JADE2: variants seen among roughly 807,000 people sequenced by gnomAD.
JADE2 encodes jade family PHD finger 2, also known as E3 ubiquitin-protein ligase Jade-2.
Under a neutral mutation model 85.7 loss-of-function variants are expected in JADE2, and 13 were observed. That is an observed-to-expected ratio of 0.15 (90% CI 0.10 to 0.24). JADE2 has a LOEUF of 0.24. Among genes scored for constraint, JADE2 ranks in the 10% least tolerant of loss-of-function variants. The probability of loss-of-function intolerance (pLI) is 1.00; values close to 1 mark genes in which losing one functional copy is unlikely to be tolerated. For missense variants in JADE2, 846 were observed against 1,115.9 expected, an observed-to-expected ratio of 0.76 and a Z score of 3.45; for synonymous variants, 440 against 456.1, an observed-to-expected ratio of 0.96 and a Z score of 0.45.
rs748707879 is a variant in JADE2, at chr5:134,579,239, C to T, written c.2427C>T (p.Ala809=). 5.0e-6 allele frequency: 8 copies of T among 1,614,056 alleles called. No homozygotes were observed. Among genetic ancestry groups the T allele is most frequent in the Middle Eastern group, 1.7e-4 (1 of 6,060 alleles). ...DGEMSDSDVE[A]EDGGVQRGPR... is the part of the protein sequence containing the mutation. ...AGATGAGCGACTCAGATGTAGAGGC[C>T]GAGGACGGTGGGGTGCAGCGGGGTC... Residue 809 remains alanine, a synonymous_variant, in exon 12 of 12, where the codon GCC becomes GCT. Transcript: ENST00000681547. The surrounding 1 kb of genome is among the most constrained non-coding windows in gnomAD (Gnocchi z 4.6).
intron 9 of JADE2, among the ~76,000 whole-genome samples, chr5:134,569,366 C>T (rs1288198154): frequency 6.6e-6 from 1 of 152,202 alleles, no homozygotes; most frequent in Non-Finnish European, 1.5e-5. Flanking sequence ...GAAACAGGAG[C>T]CGGGGCTGCT....
At chr5:134,573,069 T>C (rs1030515481) in intron 9 of JADE2, among the ~76,000 whole-genome samples, 1 of 152,244 alleles carries the variant, frequency 6.6e-6, no homozygotes, top group Non-Finnish European at 1.5e-5. Flanking sequence ...GTTAGGACTT[T>C]CTGCTCAAAG....
chr5:134,560,641 C>G (rs1027986017), intron 5 of JADE2, 105 bp from the exon 6 acceptor site: 31 of 955,870 alleles, frequency 3.2e-5, no homozygotes, highest in Non-Finnish European at 4.7e-5. Context: ...GAAACCCTCC[C>G]AGACATCTGC....
At chr5:134,546,032 T>G (rs1762277067) in intron 3 of JADE2, among the ~76,000 whole-genome samples, 1 of 152,222 alleles carries the variant, frequency 6.6e-6, no homozygotes, top group Non-Finnish European at 1.5e-5. Flanking sequence ...CCTGCCAGCC[T>G]CCTGCCTCTT....
At chr5:134,538,709 T>C (rs1377733136) in intron 3 of JADE2, among the ~76,000 whole-genome samples, 3 of 152,020 alleles carry the variant, frequency 2.0e-5, no homozygotes, top group African/African-American at 7.2e-5. Context: ...CCCTGAAAAC[T>C]CCCACCCTAG....
chr5:134,539,351 C>T (rs1274011352), intron 3 of JADE2, among the ~76,000 whole-genome samples: 1 of 152,186 alleles, frequency 6.6e-6, no homozygotes, highest in Non-Finnish European at 1.5e-5. Context: ...GCATGAGCCA[C>T]CGCGCCCGGC....
intron 4 of JADE2, among the ~76,000 whole-genome samples, chr5:134,556,300 C>T (rs991111015): frequency 6.6e-6 from 1 of 152,164 alleles, no homozygotes; most frequent in Non-Finnish European, 1.5e-5. Context: ...TTTGAACTGG[C>T]ATCAGGAACT....
rs1763625639 is a variant in JADE2 at position 134,566,108 on chromosome 5, C to T, written c.970-8C>T. ...CCATGTCTGATCCTGCCCCTCCTTT[C>T]CCCTCAGTGTTCCATGCCTTCCTGC... On this transcript the variant is annotated splice_polypyrimidine_tract_variant and splice_region_variant and intron_variant, in intron 8 of 11. Coordinates refer to ENST00000681547, the MANE Select transcript of JADE2 (RefSeq NM_001388185.1). The surrounding 1 kb of genome is among the most constrained non-coding windows in gnomAD (Gnocchi z 6.7). The T allele has an allele frequency of 6.2e-7, 1 of 1,607,558 alleles. No individual in the cohort carries two copies. The highest frequency in any genetic ancestry group is 1.3e-5 in the African/African-American group (1 of 74,832).
In JADE2 at chr5:134,538,273, G is replaced by T. The variant is rs1761730619; in HGVS notation, c.153+190G>T. ...AGGTTGTTGTGAAGATGTTCCTATT[G>T]AACTGAGCAAGGGGAGAAGCCTTTC... On this transcript the variant is annotated intron_variant, in intron 3 of 11. Transcript: ENST00000681547. 2.0e-5 allele frequency among the ~76,000 whole-genome samples: 3 copies of T among 152,212 alleles called. No individual in the cohort carries two copies. In the South Asian group the frequency reaches 6.2e-4, roughly 32 times the overall value.
At chr5:134,529,518 T>G (rs1385049990) in intron 1 of JADE2, among the ~76,000 whole-genome samples, 1 of 152,242 alleles carries the variant, frequency 6.6e-6, no homozygotes, top group Non-Finnish European at 1.5e-5. Flanking sequence ...AAGGAGCACT[T>G]TCTGCAAATG....
chr5:134,577,132 G>A (rs960622056), intron 11 of JADE2: 1 of 493,236 alleles, frequency 2.0e-6, no homozygotes, highest in South Asian at 2.7e-5. Context: ...ATGGAGGCTG[G>A]GCCACGCCCA....
chr5:134,548,049 G>A (rs560174237), intron 3 of JADE2, among the ~76,000 whole-genome samples: 5 of 152,302 alleles, frequency 3.3e-5, no homozygotes, highest in Admixed American at 6.5e-5. Flanking sequence ...CCCAGGCAGC[G>A]TTCTCCCGTG....
At position 134,564,500 on chromosome 5, in the gene JADE2, A is replaced by T. The variant is rs771385739; in HGVS notation, c.859A>T (p.Ile287Phe). Residue 287 changes from isoleucine (I) to phenylalanine (F), a missense_variant, in exon 8 of 12, where the codon ATC (isoleucine) becomes TTC (phenylalanine). Physicochemically the swap from Ile to Phe is conservative, Grantham distance 21. This residue lies in a region of JADE2 where 129 missense variants were observed against 255.4 expected (regional missense o/e 0.51). Transcript: ENST00000681547. ...SCALWIPEVSIGCPEKMEPIT... is the reference protein window; with the variant it reads ...SCALWIPEVSFGCPEKMEPIT... Reference sequence around the variant, plus strand: ...CCCCCTGTGTCCTGCCCAGGTCAGCATCGGCTGCCCAGAGAAGATGGAGCC... The same window carrying T: ...CCCCCTGTGTCCTGCCCAGGTCAGCTTCGGCTGCCCAGAGAAGATGGAGCC... 1.3e-6 allele frequency: 2 copies of T among 1,589,372 alleles called. No individual in the cohort carries two copies. The highest frequency in any genetic ancestry group is 1.7e-6 in the Non-Finnish European group (2 of 1,167,510).
chr5:134,539,084 T>C (rs1219594703), intron 3 of JADE2, among the ~76,000 whole-genome samples: 2 of 149,294 alleles, frequency 1.3e-5, no homozygotes, highest in Admixed American at 6.7e-5. Flanking sequence ...TATTTTGAGA[T>C]GGAGTCTTGC....
At chr5:134,546,146 TTTTGTTTTTTTG>T (rs1315385600) in intron 3 of JADE2, among the ~76,000 whole-genome samples, 2 of 150,712 alleles carry the variant, frequency 1.3e-5, no homozygotes, top group East Asian at 2.0e-4. Context: ...GCATTTCGTT[TTTTGTTTTTTTG>T]TTTGTTTGTT....
chr5:134,564,253 A>T, intron 7 of JADE2: 1 of 379,388 alleles, frequency 2.6e-6, no homozygotes, highest in Admixed American at 4.3e-5. Context: ...AGACAATTTA[A>T]GATTAGTCTC....
Position 134,562,181 on chromosome 5 carries a change from C to T in JADE2, c.685-19C>T, listed in dbSNP as rs754046759. ...ATTGGCCAGTTCCGCTGACTCATGA[C>T]CACCCTGCTCTCTCCTAGGCATGCT... On this transcript the variant is annotated intron_variant, in intron 6 of 11. Transcript: ENST00000681547. This position sits in a 1 kb window ranked among gnomAD's most constrained non-coding sequence, Gnocchi z 4.6. 4 of 1,588,132 alleles carry T rather than the reference C, an allele frequency of 2.5e-6. No homozygotes were observed. Among genetic ancestry groups the T allele is most frequent in the East Asian group, 2.2e-5 (1 of 44,624 alleles).
intron 3 of JADE2, among the ~76,000 whole-genome samples, chr5:134,539,714 C>G (rs746496395): frequency 1.3e-5 from 2 of 152,268 alleles, no homozygotes; most frequent in Non-Finnish European, 2.9e-5. Flanking sequence ...TGGCGGGGCC[C>G]TCGTCATGGG....
At chr5:134,571,067 G>C (rs988118109) in intron 9 of JADE2, among the ~76,000 whole-genome samples, 1 of 152,194 alleles carries the variant, frequency 6.6e-6, no homozygotes, top group South Asian at 2.1e-4. Flanking sequence ...GAGGCTCTGC[G>C]GGGGAGTCTC....
Sources: gnomAD v4.1 joint callset for allele counts (sites outside exome capture counted in the v4.1 genomes callset) on GRCh38, gnomAD v4.1.1 for gene constraint, gnomAD v4.1.1 regional missense constraint, Gnocchi (gnomAD v3.1) non-coding constraint, MANE v1.5 for transcripts, NCBI Gene and HGNC (gene_info 2026-07-23, HGNC 2026-07-21) for gene names.